KCNIP4: variants seen among roughly 807,000 people sequenced by gnomAD.
KCNIP4 encodes the protein Kv channel-interacting protein 4.
KCNIP4 carries 12 observed loss-of-function variants against 34.0 expected under a neutral mutation model. The ratio of observed to expected loss-of-function variants is 0.35; its 90% CI spans 0.23 to 0.57. The LOEUF (loss-of-function observed/expected upper bound fraction) is 0.57, where lower values mean the gene tolerates loss of function less well. Among genes scored for constraint, KCNIP4 ranks in the 20% least tolerant of loss-of-function variants. The pLI is 0.83. For synonymous variants in KCNIP4, 124 were observed against 102.2 expected, an observed-to-expected ratio of 1.21 and a Z score of -1.29; for missense variants, 238 against 311.7, an observed-to-expected ratio of 0.76 and a Z score of 1.78.
At chr4:21,308,411 A>C (rs1712731513) in intron 1 of KCNIP4, among the ~76,000 whole-genome samples, 1 of 152,162 alleles carries the variant, frequency 6.6e-6, no homozygotes, top group Admixed American at 6.5e-5. Flanking sequence ...CCCCTCTTTG[A>C]GGAAGAGAGG....
chr4:21,461,867 C>G (rs1560429034), intron 1 of KCNIP4, among the ~76,000 whole-genome samples: 1 of 152,034 alleles, frequency 6.6e-6, no homozygotes. Context: ...TTCTGGTAAT[C>G]TTATCCTCAA....
rs187507952 is a variant in KCNIP4 at position 21,079,725 on chromosome 4, G to T, written c.62-197016C>A. Among the ~76,000 whole-genome samples the T allele has an allele frequency of 3.3e-5, 5 of 151,898 alleles. No homozygotes were observed. The South Asian group carries it at 8.3e-4, about 25-fold the overall frequency. ...ACTGGAATATAAAGAGATTATTCTG[G>T]ATTATCCAAATCAGTTCAGTGTAAC... On this transcript the variant is annotated intron_variant, in intron 1 of 8. Coordinates refer to ENST00000382152, the MANE Select transcript of KCNIP4 (RefSeq NM_025221.6).
At chr4:20,778,395 A>T (rs190282933) in intron 3 of KCNIP4, among the ~76,000 whole-genome samples, 1 of 152,336 alleles carries the variant, frequency 6.6e-6, no homozygotes, top group East Asian at 1.9e-4. Flanking sequence ...TTGAATTTAA[A>T]TCAAGCAATT....
intron 1 of KCNIP4, among the ~76,000 whole-genome samples, chr4:20,886,895 T>TA (rs901534334): frequency 2.0e-5 from 3 of 152,122 alleles, no homozygotes; most frequent in South Asian, 2.1e-4. Flanking sequence ...TTTTGTACTA[T>TA]AAAAAAATTA....
intron 1 of KCNIP4, among the ~76,000 whole-genome samples, chr4:21,322,289 G>A (rs1054734140): frequency 6.6e-6 from 1 of 152,108 alleles, no homozygotes; most frequent in Non-Finnish European, 1.5e-5. Flanking sequence ...CCAGAAACCT[G>A]AGCCAGCTGA....
chr4:21,635,796 C>A (rs1284078861), intron 1 of KCNIP4, among the ~76,000 whole-genome samples: 1 of 152,034 alleles, frequency 6.6e-6, no homozygotes, highest in Admixed American at 6.6e-5. Context: ...TGGGTATATA[C>A]CCAAAGGACT....
intron 1 of KCNIP4, among the ~76,000 whole-genome samples, chr4:21,357,680 A>C (rs1718778934): frequency 6.6e-6 from 1 of 152,190 alleles, no homozygotes; most frequent in Admixed American, 6.5e-5. Flanking sequence ...CAGATGCTGG[A>C]GAGGATGTGG....
intron 1 of KCNIP4, among the ~76,000 whole-genome samples, chr4:21,643,898 A>AGATAGATG (rs1746814489): frequency 7.1e-6 from 1 of 141,656 alleles, no homozygotes; most frequent in Non-Finnish European, 1.5e-5. Context: ...ATAGATAGAT[A>AGATAGATG]GATAGATAGA....
chr4:21,358,856 T>G (rs12503488), intron 1 of KCNIP4, among the ~76,000 whole-genome samples: 37,208 of 152,008 alleles, frequency 0.24, 5,091 homozygotes, highest in Middle Eastern at 0.41. Flanking sequence ...ACCTATGACC[T>G]GGAAGACCCT....
intron 1 of KCNIP4, among the ~76,000 whole-genome samples, chr4:21,351,692 T>C (rs939015838): frequency 6.6e-6 from 1 of 152,126 alleles, no homozygotes; most frequent in Non-Finnish European, 1.5e-5. Context: ...GTTGGTGTCC[T>C]TATAAGAAAA....
chr4:21,015,463 T>C (rs1041615625), intron 1 of KCNIP4, among the ~76,000 whole-genome samples: 3 of 141,308 alleles, frequency 2.1e-5, no homozygotes, highest in Non-Finnish European at 3.0e-5. Flanking sequence ...TCATATAATA[T>C]ATAACCATAT....
intron 1 of KCNIP4, among the ~76,000 whole-genome samples, chr4:21,330,476 G>A (rs982151874): frequency 2.0e-5 from 3 of 152,084 alleles, no homozygotes; most frequent in South Asian, 2.1e-4. Flanking sequence ...TGAATTAAAC[G>A]TTGCACCATC....
chr4:21,774,492 G>C (rs1181924326), intron 1 of KCNIP4, among the ~76,000 whole-genome samples: 1 of 152,160 alleles, frequency 6.6e-6, no homozygotes, highest in African/African-American at 2.4e-5. Context: ...TGTCTTGCTA[G>C]GTTGGGGAAG....
At chr4:21,842,570 T>A (rs1227819856) in intron 1 of KCNIP4, among the ~76,000 whole-genome samples, 3 of 152,170 alleles carry the variant, frequency 2.0e-5, no homozygotes, top group African/African-American at 7.2e-5. Context: ...CAAATACTTT[T>A]ACGCATTTTA....
intron 3 of KCNIP4, among the ~76,000 whole-genome samples, chr4:20,843,864 A>G (rs924687079): frequency 3.9e-5 from 6 of 152,252 alleles, no homozygotes; most frequent in Non-Finnish European, 7.3e-5. Context: ...GCATAAAAAC[A>G]CAATTTCGTT....
chr4:21,512,749 C>T lies in KCNIP4; in HGVS notation c.61+435822G>A, dbSNP rs546704636. 1.7e-4 allele frequency among the ~76,000 whole-genome samples: 26 copies of T among 152,234 alleles called. No individual in the cohort carries two copies. The East Asian group carries it at 2.9e-3, about 17-fold the overall frequency. Reference sequence around the variant, plus strand: ...TATGCATTGGCTTAGCTGAAGTTCCCGCAGCATTTAATAGGTAAAATCTAT... The same window carrying T: ...TATGCATTGGCTTAGCTGAAGTTCCTGCAGCATTTAATAGGTAAAATCTAT... On this transcript the variant is annotated intron_variant, in intron 1 of 8. Coordinates refer to ENST00000382152, the MANE Select transcript of KCNIP4 (RefSeq NM_025221.6).
rs1200260474 is a variant in KCNIP4, at chr4:21,519,372, A to ATATGTG, written c.61+429198_61+429199insCACATA. On this transcript the variant is annotated intron_variant, in intron 1 of 8. Coordinates refer to ENST00000382152, the MANE Select transcript of KCNIP4 (RefSeq NM_025221.6). ...CACACACACACACACACACACACAC[A>ATATGTG]CGTATATGTATGTGTATATATACAT... Among the ~76,000 whole-genome samples, 268 of 117,420 alleles carry ATATGTG rather than the reference A, an allele frequency of 2.3e-3. 1 individual carries two copies. The highest frequency in any genetic ancestry group is 6.1e-3 in the African/African-American group (206 of 33,984). 77.0% of individuals were successfully genotyped at this position (117,420 alleles called of 152,430 possible).
At chr4:20,737,884 C>T (rs1750029777) in intron 5 of KCNIP4, among the ~76,000 whole-genome samples, 1 of 152,194 alleles carries the variant, frequency 6.6e-6, no homozygotes, top group Admixed American at 6.5e-5. Context: ...GTAATCCCAG[C>T]ACTTTGGGTG....
intron 5 of KCNIP4, among the ~76,000 whole-genome samples, chr4:20,748,178 A>C (rs1324679329): frequency 6.6e-6 from 1 of 152,086 alleles, no homozygotes; most frequent in Non-Finnish European, 1.5e-5. Flanking sequence ...CTCCTGCCTA[A>C]GACATGTCAA....
Sources: gnomAD v4.1 joint callset for allele counts (sites outside exome capture counted in the v4.1 genomes callset) on GRCh38, gnomAD v4.1.1 for gene constraint, MANE v1.5 for transcripts, NCBI Gene and HGNC (gene_info 2026-07-23, HGNC 2026-07-21) for gene names.